Variants in MOB3B observed in about 807,000 individuals in gnomAD.
MOB3B encodes the protein MOB kinase activator 3B, also known as MOB kinase activator-like 2B.
Under a neutral mutation model 18.7 loss-of-function variants are expected in MOB3B, and 7 were observed. The observed-to-expected ratio is 0.37, with a 90% CI of 0.21 to 0.70. The LOEUF (loss-of-function observed/expected upper bound fraction) is 0.70. Ranked by LOEUF, MOB3B falls within the 30% of genes least tolerant of loss-of-function variation. The pLI is 0.52. For synonymous variants in MOB3B, 111 were observed against 99.9 expected, an observed-to-expected ratio of 1.11 and a Z score of -0.66; for missense variants, 253 against 281.3, an observed-to-expected ratio of 0.90 and a Z score of 0.72.
At chr9:27,349,660 A>C (rs894107359) in intron 3 of MOB3B, among the ~76,000 whole-genome samples, 23 of 152,156 alleles carry the variant, frequency 1.5e-4, no homozygotes, top group East Asian at 1.3e-3. Flanking sequence ...AAAAAAGTAC[A>C]ATTACTATTT....
intron 2 of MOB3B, among the ~76,000 whole-genome samples, chr9:27,443,421 TA>T (rs1188493873): frequency 1.3e-5 from 2 of 152,212 alleles, no homozygotes; most frequent in African/African-American, 4.8e-5. Flanking sequence ...AACAAGTTTT[TA>T]AGTTTCCAAA....
intron 1 of MOB3B, chr9:27,524,890 T>C (rs1194053261): frequency 2.5e-6 from 4 of 1,612,988 alleles, no homozygotes; most frequent in African/African-American, 1.3e-5. Flanking sequence ...GCCTGGGAGA[T>C]TGTCCGAGTG....
At chr9:27,472,578 C>G (rs1213749754) in intron 1 of MOB3B, among the ~76,000 whole-genome samples, 4 of 150,650 alleles carry the variant, frequency 2.7e-5, no homozygotes, top group African/African-American at 9.8e-5. Context: ...CAGAAACACA[C>G]AGTCACCATT....
At chr9:27,346,979 G>A (rs549321851) in intron 3 of MOB3B, among the ~76,000 whole-genome samples, 2 of 152,266 alleles carry the variant, frequency 1.3e-5, no homozygotes, top group African/African-American at 4.8e-5. Context: ...CTGGGTAACA[G>A]AGCAAGACTC....
chr9:27,331,619 G>A (rs537843204), intron 3 of MOB3B, among the ~76,000 whole-genome samples: 1 of 152,328 alleles, frequency 6.6e-6, no homozygotes, highest in African/African-American at 2.4e-5. Context: ...TGCCAGGGTA[G>A]TGGCTCCTCT....
chr9:27,326,286 T>C lies in MOB3B; in HGVS notation c.*4301A>G, dbSNP rs573949656. ...TCAACAATGGAGCAACAAGACTCCG[T>C]AGAGGATGCCACCCTGGGAGAATTG... is the stretch of plus-strand genomic sequence containing the variant. On this transcript the variant is annotated 3_prime_UTR_variant, in exon 4 of 4. Coordinates refer to ENST00000262244, the MANE Select transcript of MOB3B (RefSeq NM_024761.5). 1.5e-5 allele frequency: 6 copies of C among 393,636 alleles called. No homozygotes were observed. The highest frequency in any genetic ancestry group is 1.2e-4 in the African/African-American group (6 of 48,638). The allele number at this position is 393,636 out of a possible 1,614,324, so 24.4% of individuals were successfully genotyped here.
At chr9:27,377,487 C>T (rs2131371674) in intron 2 of MOB3B, among the ~76,000 whole-genome samples, 1 of 152,240 alleles carries the variant, frequency 6.6e-6, no homozygotes, top group South Asian at 2.1e-4. Context: ...GAGGGGACCA[C>T]CCTTCTAACA....
At chr9:27,351,040 T>C (rs917219434) in intron 3 of MOB3B, among the ~76,000 whole-genome samples, 2 of 151,944 alleles carry the variant, frequency 1.3e-5, no homozygotes, top group African/African-American at 4.8e-5. Context: ...GTAGCTGGGA[T>C]TATGGGCACC....
intron 2 of MOB3B, among the ~76,000 whole-genome samples, chr9:27,413,303 T>C (rs1175863697): frequency 2.0e-5 from 3 of 152,158 alleles, no homozygotes; most frequent in African/African-American, 7.2e-5. Context: ...AATTCTCCAT[T>C]TCATTCTCGT....
chr9:27,352,610 T>G (rs192121694), intron 3 of MOB3B, among the ~76,000 whole-genome samples: 1 of 152,168 alleles, frequency 6.6e-6, no homozygotes, highest in Non-Finnish European at 1.5e-5. Flanking sequence ...AGCCCTCCCA[T>G]ATGGAGTTTC....
At chr9:27,395,360 T>C (rs1383814161) in intron 2 of MOB3B, among the ~76,000 whole-genome samples, 2 of 152,192 alleles carry the variant, frequency 1.3e-5, no homozygotes, top group African/African-American at 2.4e-5. Context: ...CTTGTTTTAA[T>C]CATTCCACGA....
intron 1 of MOB3B, among the ~76,000 whole-genome samples, chr9:27,514,581 A>G (rs749645735): frequency 2.6e-5 from 4 of 152,202 alleles, no homozygotes; most frequent in Non-Finnish European, 4.4e-5. Flanking sequence ...GTTCCTCTGT[A>G]TATATAATAG....
intron 2 of MOB3B, among the ~76,000 whole-genome samples, chr9:27,453,405 A>G (rs1425440499): frequency 6.6e-6 from 1 of 152,210 alleles, no homozygotes; most frequent in Non-Finnish European, 1.5e-5. Context: ...CCAGGTAAGC[A>G]CGTTCCCTAA....
intron 2 of MOB3B, among the ~76,000 whole-genome samples, chr9:27,449,896 T>G (rs1054817909): frequency 4.0e-5 from 6 of 151,594 alleles, no homozygotes; most frequent in African/African-American, 1.5e-4. Flanking sequence ...GAGAATCACT[T>G]GAACCTGGGA....
intron 2 of MOB3B, among the ~76,000 whole-genome samples, chr9:27,439,806 A>G (rs1347303512): frequency 6.6e-6 from 1 of 152,140 alleles, no homozygotes; most frequent in Admixed American, 6.5e-5. Context: ...AAAAAAATGG[A>G]ATGGAGCCAG....
At chr9:27,375,103 T>A (rs1399096638) in intron 2 of MOB3B, among the ~76,000 whole-genome samples, 1 of 152,236 alleles carries the variant, frequency 6.6e-6, no homozygotes, top group Non-Finnish European at 1.5e-5. Flanking sequence ...TTATTCAAGC[T>A]CTGGCCAAAC....
At chr9:27,345,398 T>C (rs1821018239) in intron 3 of MOB3B, among the ~76,000 whole-genome samples, 1 of 152,050 alleles carries the variant, frequency 6.6e-6, no homozygotes, top group Admixed American at 6.6e-5. Context: ...TTTAAATCTG[T>C]AGATTTAAAA....
At chr9:27,406,097 T>G (rs1373836502) in intron 2 of MOB3B, among the ~76,000 whole-genome samples, 3 of 152,094 alleles carry the variant, frequency 2.0e-5, no homozygotes, top group Non-Finnish European at 1.5e-5. Flanking sequence ...GGGAAAGAAA[T>G]AAAGGGCATC....
chr9:27,389,457 T>C (rs1035563019), intron 2 of MOB3B, among the ~76,000 whole-genome samples: 1 of 91,576 alleles, frequency 1.1e-5, no homozygotes, highest in Admixed American at 1.2e-4. Context: ...GGTCCTGGCA[T>C]GCGCTGTTCT....
Sources: allele counts gnomAD v4.1 joint callset (sites outside exome capture counted in the v4.1 genomes callset), GRCh38; gene constraint gnomAD v4.1.1; transcripts MANE v1.5; gene names NCBI Gene and HGNC (gene_info 2026-07-23, HGNC 2026-07-21).